RAPGEF4: variants seen among roughly 807,000 people sequenced by gnomAD.
RAPGEF4 encodes Rap guanine nucleotide exchange factor 4, also known as RAP guanine-nucleotide-exchange factor (GEF) 4.
RAPGEF4 carries 66 observed loss-of-function variants against 147.9 expected under a neutral mutation model. The observed-to-expected ratio is 0.45, with a 90% confidence interval of 0.37 to 0.55. RAPGEF4 has a LOEUF of 0.55. RAPGEF4 is among the 20% of genes least tolerant of loss of function. The probability of loss-of-function intolerance (pLI) is 0.00; values close to 1 mark genes in which losing one functional copy is unlikely to be tolerated. For missense variants in RAPGEF4, 1,071 were observed against 1,257.3 expected (o/e 0.85, Z 2.24); for synonymous variants, 419 against 442.7 (o/e 0.95, Z 0.67).
At chr2:172,906,365 C>G (rs1315845442) in intron 4 of RAPGEF4, among the ~76,000 whole-genome samples, 1 of 152,192 alleles carries the variant, frequency 6.6e-6, no homozygotes, top group Non-Finnish European at 1.5e-5. Context: ...TGGACGCTGC[C>G]TCTCCTTATT....
intron 16 of RAPGEF4, among the ~76,000 whole-genome samples, chr2:172,999,744 C>T (rs1483007274): frequency 6.6e-6 from 1 of 152,150 alleles, no homozygotes; most frequent in Admixed American, 6.5e-5. Context: ...CCATGATTCT[C>T]ATTTAAATAT....
intron 4 of RAPGEF4, among the ~76,000 whole-genome samples, chr2:172,834,523 A>G (rs1013653762): frequency 2.6e-5 from 4 of 152,186 alleles, no homozygotes; most frequent in African/African-American, 7.2e-5. Context: ...ACTTTTCTGC[A>G]TGCTCTGAAA....
chr2:172,957,855 A>G (rs1559144656), intron 6 of RAPGEF4, among the ~76,000 whole-genome samples: 1 of 152,262 alleles, frequency 6.6e-6, no homozygotes, highest in Non-Finnish European at 1.5e-5. Context: ...CAAATCAAAG[A>G]AAAAGTTCTG....
intron 15 of RAPGEF4, among the ~76,000 whole-genome samples, chr2:172,995,480 G>A (rs1295430287): frequency 6.6e-6 from 1 of 152,058 alleles, no homozygotes; most frequent in Non-Finnish European, 1.5e-5. Flanking sequence ...GGGCTTCACC[G>A]TGTTGCCCAG....
At chr2:173,011,723 T>C (rs978921492) in intron 17 of RAPGEF4, among the ~76,000 whole-genome samples, 21 of 152,212 alleles carry the variant, frequency 1.4e-4, no homozygotes, top group Admixed American at 3.3e-4. Flanking sequence ...AGTGAATCAA[T>C]TGGATCAATT....
At chr2:172,861,070 C>T (rs998893442) in intron 4 of RAPGEF4, among the ~76,000 whole-genome samples, 3 of 152,064 alleles carry the variant, frequency 2.0e-5, no homozygotes, top group Admixed American at 6.5e-5. Context: ...ATTTCATTAT[C>T]GAGACTATGA....
At chr2:173,017,231 G>C in intron 20 of RAPGEF4, 27 bp downstream of exon 20, 1 of 1,604,716 alleles carries the variant, frequency 6.2e-7, no homozygotes, top group South Asian at 1.1e-5. Flanking sequence ...TGCATTCTCT[G>C]TCTGTGTCCT....
intron 17 of RAPGEF4, among the ~76,000 whole-genome samples, chr2:173,011,951 G>A (rs936238480): frequency 1.3e-5 from 2 of 151,722 alleles, no homozygotes; most frequent in Non-Finnish European, 2.9e-5. Context: ...TACCAGCTCA[G>A]TAAAAGCTTC....
At chr2:172,906,884 C>T (rs1699682163) in intron 4 of RAPGEF4, among the ~76,000 whole-genome samples, 1 of 152,226 alleles carries the variant, frequency 6.6e-6, no homozygotes, top group African/African-American at 2.4e-5. Flanking sequence ...AGTGACATGC[C>T]TCTATAATGT....
intron 29 of RAPGEF4, among the ~76,000 whole-genome samples, chr2:173,047,543 C>T (rs12474338): frequency 6.6e-6 from 1 of 151,976 alleles, no homozygotes. Context: ...GAATTCAAAT[C>T]TTTTAAAAAC....
chr2:173,005,738 G>T (rs912023724), intron 17 of RAPGEF4, among the ~76,000 whole-genome samples: 1 of 152,164 alleles, frequency 6.6e-6, no homozygotes, highest in South Asian at 2.1e-4. Context: ...GGCCAGGATG[G>T]CCTCGACCTC....
chr2:172,998,255 A>G (rs1319264060), intron 16 of RAPGEF4, among the ~76,000 whole-genome samples: 1 of 152,230 alleles, frequency 6.6e-6, no homozygotes, highest in African/African-American at 2.4e-5. Flanking sequence ...GTAACCAGTA[A>G]TTAGAGATAG....
chr2:172,990,787 T>C, intron 14 of RAPGEF4, 23 bp from the exon 15 acceptor site: 2 of 1,560,368 alleles, frequency 1.3e-6, no homozygotes, highest in East Asian at 2.2e-5. Context: ...AGCATCTGTA[T>C]GTGGTGTAAT....
At chr2:172,988,917 C>A in intron 14 of RAPGEF4, 78 bp downstream of exon 14, 1 of 1,475,076 alleles carries the variant, frequency 6.8e-7, no homozygotes, top group Non-Finnish European at 9.3e-7. Flanking sequence ...TGAGCATAGT[C>A]TTAATTGAGT....
chr2:172,858,258 G>GT (rs1172578731), intron 4 of RAPGEF4, among the ~76,000 whole-genome samples: 23 of 151,996 alleles, frequency 1.5e-4, no homozygotes, highest in African/African-American at 5.3e-4. Context: ...TAATTTCATC[G>GT]TATTCCTCTT....
At chr2:173,001,408 AT>A in intron 17 of RAPGEF4, 64 bp downstream of exon 17, 2 of 1,593,814 alleles carry the variant, frequency 1.3e-6, no homozygotes, top group Non-Finnish European at 1.7e-6. Flanking sequence ...ATCGAGGGCC[AT>A]TCTTATCTCA....
chr2:173,027,019 G>C (rs1194106235), intron 24 of RAPGEF4, 62 bp from the exon 25 acceptor site: 2 of 1,419,304 alleles, frequency 1.4e-6, no homozygotes, highest in Non-Finnish European at 1.9e-6. Context: ...GACAAATAGA[G>C]AAACCTGCTG....
At chr2:172,893,301 C>T (rs1698131836) in intron 4 of RAPGEF4, among the ~76,000 whole-genome samples, 1 of 152,174 alleles carries the variant, frequency 6.6e-6, no homozygotes, top group Non-Finnish European at 1.5e-5. Flanking sequence ...ACAGCCCCGT[C>T]CTGGGAGAGA....
rs765737764 is a variant in RAPGEF4 at position 172,965,525 on chromosome 2, G to A, written c.699-37G>A. 24 of 1,604,712 alleles carry A rather than the reference G, an allele frequency of 1.5e-5. No individual in the cohort carries two copies. The East Asian group carries it at 2.2e-4, about 15-fold the overall frequency. On this transcript the variant is annotated intron_variant, in intron 8 of 30. Transcript: ENST00000397081. ...TCTCCCATCCTCTATCTGAAAAGGGGTGACTTCCCCACCCTTTCTGTCTCA... is the reference window on the plus strand; with the variant it reads ...TCTCCCATCCTCTATCTGAAAAGGGATGACTTCCCCACCCTTTCTGTCTCA...
Sources: gnomAD v4.1 joint callset for allele counts (sites outside exome capture counted in the v4.1 genomes callset) on GRCh38, gnomAD v4.1.1 for gene constraint, MANE v1.5 for transcripts, NCBI Gene and HGNC (gene_info 2026-07-23, HGNC 2026-07-21) for gene names.